The following METTL16 variants were observed in gnomAD, a reference collection of about 807,000 sequenced individuals.
METTL16 encodes RNA N(6)-adenosine-methyltransferase METTL16.
A neutral mutation model predicts 57.9 loss-of-function variants in METTL16; 19 were observed. The observed-to-expected ratio is 0.33, with a 90% confidence interval of 0.23 to 0.48. The LOEUF is 0.48. METTL16 is among the 20% of genes least tolerant of loss of function. The probability of loss-of-function intolerance (pLI) is 0.99; values close to 1 mark genes in which losing one functional copy is unlikely to be tolerated. For synonymous variants in METTL16, 246 were observed against 255.6 expected (o/e 0.96, Z 0.36); for missense variants, 434 against 691.5 (o/e 0.63, Z 4.18).
At chr17:2,509,897 G>C (rs1438952991) in intron 1 of METTL16, among the ~76,000 whole-genome samples, 1 of 146,226 alleles carries the variant, frequency 6.8e-6, no homozygotes, top group East Asian at 2.0e-4. Flanking sequence ...TGGTGACAGA[G>C]CAACACTCCG....
intron 2 of METTL16, among the ~76,000 whole-genome samples, chr17:2,498,762 G>A (rs2067465082): frequency 6.6e-6 from 1 of 151,366 alleles, no homozygotes; most frequent in South Asian, 2.1e-4. Flanking sequence ...AAACTTTAGT[G>A]GATGAGGATG....
At chr17:2,452,332 C>CAT (rs1231200594) in intron 6 of METTL16, among the ~76,000 whole-genome samples, 4 of 152,036 alleles carry the variant, frequency 2.6e-5, no homozygotes, top group Non-Finnish European at 4.4e-5. Context: ...GATTGAATGT[C>CAT]ATATATACGC....
chr17:2,481,926 A>G (rs887645325), intron 2 of METTL16, among the ~76,000 whole-genome samples: 2 of 152,186 alleles, frequency 1.3e-5, no homozygotes, highest in African/African-American at 4.8e-5. Context: ...TTAGGGACGC[A>G]GTAGGGTACA....
At chr17:2,467,925 C>G in intron 4 of METTL16, 49 bp from the exon 5 acceptor site, 1 of 1,326,308 alleles carries the variant, frequency 7.5e-7, no homozygotes, top group Non-Finnish European at 1.1e-6. Flanking sequence ...TGCAGTGGTT[C>G]TAAAGTATAA....
At chr17:2,488,766 A>G in intron 2 of METTL16, among the ~76,000 whole-genome samples, 1 of 152,238 alleles carries the variant, frequency 6.6e-6, no homozygotes, top group East Asian at 1.9e-4. Flanking sequence ...CAACAAGCAC[A>G]GGGTTAACAC....
intron 6 of METTL16, among the ~76,000 whole-genome samples, chr17:2,454,032 A>T (rs773693872): frequency 6.6e-6 from 1 of 152,046 alleles, no homozygotes; most frequent in Non-Finnish European, 1.5e-5. Flanking sequence ...ATAAGTCATT[A>T]TTGTCATTAT....
At chr17:2,448,229 C>T (rs2067029953) in intron 6 of METTL16, among the ~76,000 whole-genome samples, 1 of 149,930 alleles carries the variant, frequency 6.7e-6, no homozygotes, top group Non-Finnish European at 1.5e-5. Context: ...GGCCACGACC[C>T]CGTCTGGGAG....
intron 8 of METTL16, among the ~76,000 whole-genome samples, chr17:2,430,120 T>G (rs2066861463): frequency 6.6e-6 from 1 of 151,602 alleles, no homozygotes; most frequent in Non-Finnish European, 1.5e-5. Context: ...CTTCCCACTT[T>G]TTTTCTTTTT....
intron 8 of METTL16, among the ~76,000 whole-genome samples, chr17:2,423,808 T>A (rs2066787625): frequency 6.7e-6 from 1 of 149,908 alleles, no homozygotes; most frequent in South Asian, 2.1e-4. Context: ...TGCGACACTC[T>A]TTCTCCAAAA....
At chr17:2,429,316 G>A (rs530134595) in intron 8 of METTL16, among the ~76,000 whole-genome samples, 1 of 148,752 alleles carries the variant, frequency 6.7e-6, no homozygotes, top group South Asian at 2.1e-4. Context: ...AGCCTCCCAA[G>A]TAGATGGGAC....
chr17:2,429,434 C>T (rs536287935), intron 8 of METTL16, among the ~76,000 whole-genome samples: 6 of 150,560 alleles, frequency 4.0e-5, no homozygotes, highest in Admixed American at 2.0e-4. Context: ...GCAATCCGCC[C>T]GCCTCGGCCT....
intron 6 of METTL16, among the ~76,000 whole-genome samples, chr17:2,458,357 C>G (rs2067125616): frequency 6.6e-6 from 1 of 151,272 alleles, no homozygotes; most frequent in Admixed American, 6.6e-5. Flanking sequence ...AACTGGTAAC[C>G]AATGACAAGA....
chr17:2,425,659 C>T (rs1460280674), intron 8 of METTL16, among the ~76,000 whole-genome samples: 4 of 151,868 alleles, frequency 2.6e-5, no homozygotes, highest in African/African-American at 7.3e-5. Context: ...AAATATGCTA[C>T]GTAGCAGGGT....
At chr17:2,484,114 AACTT>A (rs1345411544) in intron 2 of METTL16, among the ~76,000 whole-genome samples, 1 of 152,264 alleles carries the variant, frequency 6.6e-6, no homozygotes, top group African/African-American at 2.4e-5. Flanking sequence ...GAAACTTAGT[AACTT>A]ACTTATAAAA....
At chr17:2,509,386 G>A (rs1453297510) in intron 1 of METTL16, among the ~76,000 whole-genome samples, 1 of 152,030 alleles carries the variant, frequency 6.6e-6, no homozygotes, top group African/African-American at 2.4e-5. Context: ...CTGACCATCA[G>A]GAAAGAGGGG....
intron 6 of METTL16, among the ~76,000 whole-genome samples, chr17:2,448,802 T>TAAAAAAAAAAAAAAAAAAA (rs71150866): frequency 2.3e-5 from 1 of 43,638 alleles, no homozygotes; most frequent in Non-Finnish European, 3.9e-5. Context: ...AAATAAAATT[T>TAAAAAAAAAAAAAAAAAAA]AAAAAAAAAA....
intron 5 of METTL16, among the ~76,000 whole-genome samples, chr17:2,466,053 C>T (rs943597418): frequency 4.0e-5 from 6 of 151,556 alleles, no homozygotes; most frequent in African/African-American, 1.2e-4. Context: ...ATTAGCCGGG[C>T]GTGGAGGTGC....
chr17:2,452,859 GT>G (rs905206678), intron 6 of METTL16, among the ~76,000 whole-genome samples: 21 of 151,288 alleles, frequency 1.4e-4, no homozygotes, highest in Non-Finnish European at 1.8e-4. Flanking sequence ...TTTTGTTTTT[GT>G]TTTTTTTAGA....
intron 3 of METTL16, chr17:2,477,339 T>C (rs1393071755): frequency 8.6e-6 from 2 of 233,142 alleles, no homozygotes; most frequent in African/African-American, 4.5e-5. Context: ...AAAAGAACGG[T>C]AATGCAGGCT....
Sources: allele counts gnomAD v4.1 joint callset (sites outside exome capture counted in the v4.1 genomes callset), GRCh38; gene constraint gnomAD v4.1.1; transcripts MANE v1.5; gene names NCBI Gene and HGNC (gene_info 2026-07-23, HGNC 2026-07-21).